The following ZNF100 variants were observed in gnomAD, a reference collection of about 807,000 sequenced individuals.
ZNF100 encodes the protein zinc finger protein 100 (Y1).
Under a neutral mutation model 15.8 loss-of-function variants are expected in ZNF100, and 12 were observed. The ratio of observed to expected loss-of-function variants is 0.76; its 90% CI spans 0.49 to 1.23. The LOEUF (loss-of-function observed/expected upper bound fraction) is 1.23. ZNF100 is among the 50% of genes most tolerant of loss of function. The pLI, the probability that ZNF100 is intolerant of heterozygous loss-of-function variation, is 0.00. For synonymous variants in ZNF100, 226 were observed against 214.8 expected, an observed-to-expected ratio of 1.05 and a Z score of -0.45; for missense variants, 670 against 635.6, an observed-to-expected ratio of 1.05 and a Z score of -0.58.
rs1453923243 is a variant in ZNF100, at chr19:21,740,125, CAGAT to C, written c.322+3888_322+3891del. Among the ~76,000 whole-genome samples the C allele has an allele frequency of 7.2e-5, 11 of 152,232 alleles. No homozygotes were observed. The East Asian group carries it at 2.1e-3, about 29-fold the overall frequency. On this transcript the variant is annotated intron_variant, in intron 4 of 4. Coordinates refer to ENST00000358296, the MANE Select transcript of ZNF100 (RefSeq NM_173531.4). ...AAACAGTATGGTACTGATACAAAGA[CAGAT>C]AAACAGATGAAAGAGCAGAATAGAG...
At chr19:21,758,333 T>G (rs527989465) in intron 2 of ZNF100, among the ~76,000 whole-genome samples, 1 of 152,074 alleles carries the variant, frequency 6.6e-6, no homozygotes, top group Non-Finnish European at 1.5e-5. Context: ...GTGCTATGCT[T>G]AGTACCTCAG....
At chr19:21,765,946 T>C (rs11085493) in intron 1 of ZNF100, among the ~76,000 whole-genome samples, 160 bp from the exon 2 acceptor site, 133,268 of 152,106 alleles carry the variant, frequency 0.88, 59,049 homozygotes, top group Non-Finnish European at 0.95. Context: ...TTTTTCCAAA[T>C]CAAAACCTTG....
intron 4 of ZNF100, among the ~76,000 whole-genome samples, chr19:21,730,445 AGTGTGTGTGTGT>A (rs58942514): frequency 4.1e-4 from 60 of 147,718 alleles, no homozygotes; most frequent in African/African-American, 1.4e-3. Flanking sequence ...TGATAACCTA[AGTGTGTGTGTGT>A]GTGTGTGTGT....
chr19:21,755,380 CA>C (rs1296940558), intron 2 of ZNF100, among the ~76,000 whole-genome samples: 2 of 151,104 alleles, frequency 1.3e-5, no homozygotes, highest in Admixed American at 1.3e-4. Context: ...ATCAAAACCA[CA>C]GTGAGATACA....
intron 4 of ZNF100, among the ~76,000 whole-genome samples, chr19:21,731,560 G>A (rs539543159): frequency 6.6e-5 from 10 of 152,046 alleles, no homozygotes; most frequent in Non-Finnish European, 8.8e-5. Context: ...GCCTGCCTCA[G>A]CCTCTCAAAG....
Position 21,727,954 on chromosome 19 carries a change from C to A in ZNF100, c.358G>T (p.Glu120Ter). The A allele has an allele frequency of 6.4e-7, 1 of 1,556,150 alleles. No individual in the cohort carries two copies. Among genetic ancestry groups the A allele is most frequent in the Non-Finnish European group, 8.6e-7 (1 of 1,156,518 alleles). Residue 120 changes from glutamate to a stop codon, truncating the protein, a stop_gained, in exon 5 of 5, where the codon GAG becomes TAG. Transcript: ENST00000358296. LOFTEE classifies it low-confidence loss of function (END_TRUNC). Reference protein sequence around the residue: ...CSHFPQDLWAEQDIKDSFQEA... With the variant: ...CSHFPQDLWA ...TGAAAAGAATCTTTAATGTCCTGCT[C>A]TGCCCAAAGGTCTTGGGGAAAATGA... is the stretch of plus-strand genomic sequence containing the variant.
chr19:21,730,382 T>G (rs1319272006), intron 4 of ZNF100, among the ~76,000 whole-genome samples: 2 of 150,552 alleles, frequency 1.3e-5, no homozygotes, highest in African/African-American at 4.9e-5. Context: ...GTACTGCAAG[T>G]CAAAACTGCA....
In ZNF100 at chr19:21,740,329, T is replaced by C. The variant is rs149088031; in HGVS notation, c.322+3688A>G. ...TAAAAAATGTTTTCAATAAAATACT[T>C]ACATAAAAAAACTAACGAATCTCTT... On this transcript the variant is annotated intron_variant, in intron 4 of 4. Transcript: ENST00000358296. Among the ~76,000 whole-genome samples the C allele has an allele frequency of 4.2e-3, 638 of 151,732 alleles. 4 individuals carry two copies. Among genetic ancestry groups the C allele is most frequent in the African/African-American group, 0.015 (609 of 41,484 alleles).
chr19:21,733,426 A>C (rs2035954232), intron 4 of ZNF100, among the ~76,000 whole-genome samples: 1 of 152,098 alleles, frequency 6.6e-6, no homozygotes, highest in Non-Finnish European at 1.5e-5. Flanking sequence ...ATATGGTTAC[A>C]TTATATTTCA....
intron 2 of ZNF100, chr19:21,752,212 C>T (rs891866688): frequency 6.5e-6 from 1 of 154,426 alleles, no homozygotes; most frequent in African/African-American, 2.4e-5. Flanking sequence ...GGGCCAGTAA[C>T]TGAACTATGT....
At chr19:21,749,300 A>G (rs1232488201) in intron 2 of ZNF100, among the ~76,000 whole-genome samples, 1 of 152,046 alleles carries the variant, frequency 6.6e-6, no homozygotes, top group Non-Finnish European at 1.5e-5. Context: ...GGAGAAAAAA[A>G]AAAAACAGAA....
intron 4 of ZNF100, among the ~76,000 whole-genome samples, chr19:21,734,955 C>CT (rs1213359489): frequency 2.0e-5 from 3 of 152,156 alleles, no homozygotes; most frequent in Admixed American, 6.5e-5. Context: ...TGCAACTAAG[C>CT]TTCATAGTGA....
rs115566440 is a variant in ZNF100 at position 21,734,467 on chromosome 19, T to C, written c.323-6478A>G. ...CAAGCAGGAAAAAGAATTTCAGAGC[T>C]TGAAGACTATCTTGCTAAAATAAGG... On this transcript the variant is annotated intron_variant, in intron 4 of 4. Transcript: ENST00000358296. 4.4e-3 allele frequency among the ~76,000 whole-genome samples: 672 copies of C among 152,054 alleles called. 1 individual carries two copies. The highest frequency in any genetic ancestry group is 0.016 in the African/African-American group (649 of 41,444).
At chr19:21,762,008 AGAGTTAGTG>A (rs2036491560) in intron 2 of ZNF100, among the ~76,000 whole-genome samples, 2 of 152,130 alleles carry the variant, frequency 1.3e-5, no homozygotes, top group African/African-American at 4.8e-5. Flanking sequence ...CTTGAGGTTA[AGAGTTAGTG>A]AAAATACAAA....
intron 2 of ZNF100, 58 bp downstream of exon 2, chr19:21,765,636 T>TCTCC: frequency 6.6e-7 from 1 of 1,524,716 alleles, no homozygotes; most frequent in Non-Finnish European, 9.1e-7. Context: ...CAGCAACGTG[T>TCTCC]CTCCAAGAAA....
intron 4 of ZNF100, among the ~76,000 whole-genome samples, chr19:21,730,445 A>AGTGT (rs58942514): frequency 0.088 from 13,013 of 147,426 alleles, 700 homozygotes; most frequent in East Asian, 0.16. Flanking sequence ...TGATAACCTA[A>AGTGT]GTGTGTGTGT....
rs923185932 is a variant in ZNF100, at chr19:21,767,567, G to A, written c.-138C>T. 8.1e-6 allele frequency: 11 copies of A among 1,363,822 alleles called. No homozygotes were observed. The East Asian group carries it at 1.4e-4, about 18-fold the overall frequency. The allele number at this position is 1,363,822 out of a possible 1,614,324, so 84.5% of individuals were successfully genotyped here. On this transcript the variant is annotated 5_prime_UTR_variant, in exon 1 of 5. Transcript: ENST00000358296. ...CAAAACCTGGAGCTCCGGCTACAGC[G>A]AGAGACAAAGACCCCGCCAAACCCG...
intron 4 of ZNF100, among the ~76,000 whole-genome samples, chr19:21,736,360 C>G (rs960541492): frequency 1.3e-5 from 2 of 152,186 alleles, no homozygotes; most frequent in African/African-American, 4.8e-5. Flanking sequence ...GCTGGCATTA[C>G]AGGCATGAGC....
chr19:21,763,328 G>A (rs2036510485), intron 2 of ZNF100, among the ~76,000 whole-genome samples: 1 of 151,846 alleles, frequency 6.6e-6, no homozygotes, highest in Admixed American at 6.6e-5. Flanking sequence ...CTGGCGTGGT[G>A]GCTCATGCCT....
Sources: allele counts gnomAD v4.1 joint callset (sites outside exome capture counted in the v4.1 genomes callset), GRCh38; gene constraint gnomAD v4.1.1; transcripts MANE v1.5; gene names NCBI Gene and HGNC (gene_info 2026-07-23, HGNC 2026-07-21).